FAM178B: variants seen among roughly 807,000 people sequenced by gnomAD.
FAM178B encodes the protein family with sequence similarity 178 member B.
FAM178B carries 82 observed loss-of-function variants against 91.7 expected under a neutral mutation model. The observed-to-expected ratio is 0.89, with a 90% CI of 0.75 to 1.07. The LOEUF (loss-of-function observed/expected upper bound fraction) is 1.07, where lower values mean the gene tolerates loss of function less well. Ranked by LOEUF, FAM178B falls within the 50% of genes least tolerant of loss-of-function variation. FAM178B has a pLI of 0.00. For missense variants in FAM178B, 769 were observed against 846.7 expected, an observed-to-expected ratio of 0.91 and a Z score of 1.14; for synonymous variants, 368 against 359.4, an observed-to-expected ratio of 1.02 and a Z score of -0.27.
At chr2:96,951,125 G>A (rs993225885) in intron 7 of FAM178B, among the ~76,000 whole-genome samples, 2 of 152,150 alleles carry the variant, frequency 1.3e-5, no homozygotes, top group Non-Finnish European at 2.9e-5. Context: ...CACCTTCGGG[G>A]GAAGCAGAGG....
At chr2:96,912,273 C>G (rs968659566) in intron 12 of FAM178B, among the ~76,000 whole-genome samples, 29 of 152,096 alleles carry the variant, frequency 1.9e-4, no homozygotes, top group African/African-American at 7.0e-4. Context: ...AGGGGCCCAG[C>G]CCTGGTAAGG....
chr2:96,937,213 A>G (rs924957265), intron 8 of FAM178B, among the ~76,000 whole-genome samples: 1 of 152,186 alleles, frequency 6.6e-6, no homozygotes, highest in African/African-American at 2.4e-5. Context: ...ACATGTTGGA[A>G]TCACTTAGGG....
At chr2:96,888,238 G>C (rs1336048687) in intron 14 of FAM178B, among the ~76,000 whole-genome samples, 1 of 152,216 alleles carries the variant, frequency 6.6e-6, no homozygotes, top group Non-Finnish European at 1.5e-5. Flanking sequence ...CCACAGATTA[G>C]ACAGGAGAGG....
Position 96,986,560 on chromosome 2 carries a change from G to C in FAM178B, c.-247C>G. 3.9e-6 allele frequency: 2 copies of C among 507,406 alleles called. No homozygotes were observed. The highest frequency in any genetic ancestry group is 7.0e-6 in the Non-Finnish European group (2 of 284,370). The allele number at this position is 507,406 out of a possible 1,614,324, so 31.4% of individuals were successfully genotyped here. ...TCACAGCCGCCGCCGCCGCCAGCTG[G>C]GGAGCTCGCCGGCCAAGTGCGCACC... On this transcript the variant is annotated 5_prime_UTR_variant, in exon 1 of 17. Transcript: ENST00000490605.
At chr2:96,968,365 C>T (rs938137914) in intron 4 of FAM178B, among the ~76,000 whole-genome samples, 1 of 152,070 alleles carries the variant, frequency 6.6e-6, no homozygotes, top group Non-Finnish European at 1.5e-5. Context: ...TTGCCAGAGC[C>T]CCAACCCCTA....
intron 6 of FAM178B, among the ~76,000 whole-genome samples, chr2:96,957,649 T>TC (rs1220712389): frequency 6.6e-6 from 1 of 152,148 alleles, no homozygotes; most frequent in Non-Finnish European, 1.5e-5. Flanking sequence ...CGGCACAAAC[T>TC]CCAAGGCTGA....
chr2:96,977,722 T>A (rs1574326278), intron 1 of FAM178B: 3 of 414,828 alleles, frequency 7.2e-6, no homozygotes, highest in Non-Finnish European at 4.9e-6. Flanking sequence ...GGAAGGATAT[T>A]TCCTCCTTTT....
At chr2:96,886,508 G>C (rs956475720) in intron 14 of FAM178B, among the ~76,000 whole-genome samples, 1 of 152,240 alleles carries the variant, frequency 6.6e-6, no homozygotes, top group African/African-American at 2.4e-5. Context: ...GAGCCTGCCT[G>C]GGAAGGCGCC....
In FAM178B at chr2:96,904,025, G is replaced by A. The variant is rs570022084; in HGVS notation, c.1563-1318C>T. 1.1e-4 allele frequency among the ~76,000 whole-genome samples: 17 copies of A among 152,276 alleles called. No homozygotes were observed. The East Asian group carries it at 2.9e-3, about 26-fold the overall frequency. Reference sequence around the variant, plus strand: ...GGCCATGCCAGGTGCTGGTGGGGGCGCAGGGTTATGGGCACTCACACACAG... The same window carrying A: ...GGCCATGCCAGGTGCTGGTGGGGGCACAGGGTTATGGGCACTCACACACAG... On this transcript the variant is annotated intron_variant, in intron 12 of 16. Coordinates refer to ENST00000490605, the MANE Select transcript of FAM178B (RefSeq NM_001122646.3).
intron 5 of FAM178B, among the ~76,000 whole-genome samples, chr2:96,962,605 T>C (rs2082097310): frequency 1.3e-5 from 2 of 152,164 alleles, no homozygotes; most frequent in African/African-American, 2.4e-5. Flanking sequence ...ATACATCTAA[T>C]TGGGGATTTC....
intron 8 of FAM178B, among the ~76,000 whole-genome samples, chr2:96,932,631 C>G (rs1443431066): frequency 6.6e-6 from 1 of 152,162 alleles, no homozygotes; most frequent in African/African-American, 2.4e-5. Flanking sequence ...CACCGGAACA[C>G]TGTGTCTTTT....
At chr2:96,907,680 G>A (rs73960684) in intron 12 of FAM178B, among the ~76,000 whole-genome samples, 9,216 of 152,276 alleles carry the variant, frequency 0.061, 941 homozygotes, top group African/African-American at 0.21. Context: ...TTCCAAACCC[G>A]CAGCAGGGCC....
chr2:96,966,627 G>T (rs1451842750), intron 5 of FAM178B, among the ~76,000 whole-genome samples: 1 of 152,170 alleles, frequency 6.6e-6, no homozygotes, highest in Non-Finnish European at 1.5e-5. Flanking sequence ...ATGGACAAAT[G>T]GGTGAATGGA....
rs146812485 is a variant in FAM178B at position 96,947,910 on chromosome 2, GA to G, written c.994-9del. ...TGGAGGCCATGTCAGCAGCTAGGTG[GA>G]AAAAAAAAACAAAAACAAAAACCTG... On this transcript the variant is annotated splice_polypyrimidine_tract_variant and intron_variant, in intron 7 of 16. Coordinates refer to ENST00000490605, the MANE Select transcript of FAM178B (RefSeq NM_001122646.3). 5.7e-4 allele frequency: 700 copies of G among 1,232,590 alleles called. No homozygotes were observed. The highest frequency in any genetic ancestry group is 6.3e-4 in the Non-Finnish European group (572 of 908,728). The allele number at this position is 1,232,590 out of a possible 1,614,324, so 76.4% of individuals were successfully genotyped here.
intron 5 of FAM178B, among the ~76,000 whole-genome samples, chr2:96,961,815 T>C (rs979730922): frequency 1.3e-5 from 2 of 152,056 alleles, no homozygotes; most frequent in Non-Finnish European, 2.9e-5. Context: ...CTGACCCACA[T>C]CACAGGGTGG....
At chr2:96,958,971 T>C (rs1276596225) in intron 6 of FAM178B, among the ~76,000 whole-genome samples, 1 of 151,218 alleles carries the variant, frequency 6.6e-6, no homozygotes, top group Non-Finnish European at 1.5e-5. Context: ...GAGGCCGAGG[T>C]GGGCAGATCA....
rs7582688 is a variant in FAM178B at position 96,986,353 on chromosome 2, C to T, written c.-40G>A. The stretch of plus-strand genomic sequence containing the variant: ...AGGGCTCCGGGGTGAGGGAGGGTGG[C>T]GGGAATTCGCACGGCCTCAGAGGAC... On this transcript the variant is annotated 5_prime_UTR_variant, in exon 1 of 17. Coordinates refer to ENST00000490605, the MANE Select transcript of FAM178B (RefSeq NM_001122646.3). 2.2e-3 allele frequency: 3,333 copies of T among 1,526,398 alleles called. 67 individuals carry two copies. The African/African-American group carries it at 0.042, about 19-fold the overall frequency. 94.6% of individuals were successfully genotyped at this position (1,526,398 alleles called of 1,614,324 possible). A position where few individuals can be genotyped will look rare whatever the true frequency, so the allele number is the denominator to read the frequency against.
In FAM178B at chr2:96,914,725, C is replaced by T. The variant is rs190520119; in HGVS notation, c.1562+6440G>A. Among the ~76,000 whole-genome samples the T allele has an allele frequency of 2.8e-3, 428 of 152,172 alleles. 1 individual carries two copies. Among genetic ancestry groups the T allele is most frequent in the Middle Eastern group, 0.021 (6 of 292 alleles). ...GGAACACAGGGAGATCCTGTCTCTACAAAAACTTAAAGAAGTTAGCTAGGT... is the reference window on the plus strand; with the variant it reads ...GGAACACAGGGAGATCCTGTCTCTATAAAAACTTAAAGAAGTTAGCTAGGT... On this transcript the variant is annotated intron_variant, in intron 12 of 16. Coordinates refer to ENST00000490605, the MANE Select transcript of FAM178B (RefSeq NM_001122646.3).
At chr2:96,881,777 C>T (rs1414636779) in intron 14 of FAM178B, among the ~76,000 whole-genome samples, 2 of 151,934 alleles carry the variant, frequency 1.3e-5, no homozygotes, top group Non-Finnish European at 2.9e-5. Flanking sequence ...AAAACTATTC[C>T]GAGTGTTTGG....
Sources: allele counts gnomAD v4.1 joint callset (sites outside exome capture counted in the v4.1 genomes callset), GRCh38; gene constraint gnomAD v4.1.1; transcripts MANE v1.5; gene names NCBI Gene and HGNC (gene_info 2026-07-23, HGNC 2026-07-21).